WWOX: variants seen among roughly 807,000 people sequenced by gnomAD.
WWOX encodes WW domain-containing oxidoreductase.
WWOX carries 69 observed loss-of-function variants against 46.2 expected under a neutral mutation model. That is an observed-to-expected ratio of 1.49 (90% CI 1.23 to 1.82). The LOEUF (loss-of-function observed/expected upper bound fraction) is 1.82. Ranked by LOEUF, WWOX falls within the 40% of genes most tolerant of loss-of-function variation. WWOX has a pLI of 0.00. For missense variants in WWOX, 919 were observed against 542.6 expected (o/e 1.69, Z -6.89); for synonymous variants, 359 against 202.6 (o/e 1.77, Z -6.56).
At chr16:78,185,035 G>T (rs1320301573) in intron 5 of WWOX, among the ~76,000 whole-genome samples, 1 of 152,134 alleles carries the variant, frequency 6.6e-6, no homozygotes, top group Non-Finnish European at 1.5e-5. Context: ...TGTGACAGAG[G>T]AAGAGAGGGA....
intron 4 of WWOX, among the ~76,000 whole-genome samples, chr16:78,149,101 C>G (rs1277508021): frequency 1.3e-5 from 2 of 152,014 alleles, no homozygotes; most frequent in Non-Finnish European, 2.9e-5. Context: ...AAGTGATCCT[C>G]CTGCCTTGGC....
chr16:78,709,861 T>G (rs1332164661), intron 8 of WWOX, among the ~76,000 whole-genome samples: 5 of 151,940 alleles, frequency 3.3e-5, no homozygotes, highest in Non-Finnish European at 7.4e-5. Context: ...CCCGAGTAAC[T>G]GGGATTACAG....
At chr16:78,563,762 A>G (rs2151562392) in intron 8 of WWOX, among the ~76,000 whole-genome samples, 1 of 152,194 alleles carries the variant, frequency 6.6e-6, no homozygotes, top group African/African-American at 2.4e-5. Context: ...ACCAATAATT[A>G]ATATCTATGG....
chr16:78,783,112 G>C (rs541646784), intron 8 of WWOX, among the ~76,000 whole-genome samples: 1 of 152,326 alleles, frequency 6.6e-6, no homozygotes, highest in African/African-American at 2.4e-5. Flanking sequence ...CTATGATCAA[G>C]TTATCAGGAA....
chr16:78,465,498 A>G (rs1374743662), intron 8 of WWOX, among the ~76,000 whole-genome samples: 4 of 152,184 alleles, frequency 2.6e-5, no homozygotes, highest in African/African-American at 9.7e-5. Context: ...GGTTTGTTAA[A>G]GAACTGTCTG....
At position 78,963,846 on chromosome 16, in the gene WWOX, G is replaced by A. The variant is rs139346861; in HGVS notation, c.1057-247762G>A. 4.3e-3 allele frequency among the ~76,000 whole-genome samples: 659 copies of A among 152,262 alleles called. 3 individuals are homozygous for A. The highest frequency in any genetic ancestry group is 0.015 in the African/African-American group (611 of 41,540). On this transcript the variant is annotated intron_variant, in intron 8 of 8. Coordinates refer to ENST00000566780, the MANE Select transcript of WWOX (RefSeq NM_016373.4). ...GAATCGTATCTCCCAGAATTCCCAC[G>A]TGTTGTGGGAGGGACCCAGGGAGAG...
intron 8 of WWOX, among the ~76,000 whole-genome samples, chr16:79,164,499 G>T (rs2050552696): frequency 6.6e-6 from 1 of 151,588 alleles, no homozygotes; most frequent in Non-Finnish European, 1.5e-5. Flanking sequence ...GGGGGATGGG[G>T]GGAGGCCACC....
At chr16:78,904,503 C>G (rs898531420) in intron 8 of WWOX, among the ~76,000 whole-genome samples, 1 of 151,954 alleles carries the variant, frequency 6.6e-6, no homozygotes, top group African/African-American at 2.4e-5. Flanking sequence ...TCCCAAAGTG[C>G]TGGGATTACA....
intron 8 of WWOX, among the ~76,000 whole-genome samples, chr16:78,745,708 C>T (rs1567532041): frequency 6.6e-6 from 1 of 150,786 alleles, no homozygotes; most frequent in Non-Finnish European, 1.5e-5. Flanking sequence ...ACTGCCACAC[C>T]CCCTCATAGA....
rs1460130248 is a variant in WWOX, at chr16:78,311,723, A to AT, written c.517-75136dup. Among the ~76,000 whole-genome samples the AT allele has an allele frequency of 6.7e-3, 1,024 of 152,214 alleles. 11 individuals are homozygous for AT. Among genetic ancestry groups the AT allele is most frequent in the Middle Eastern group, 0.017 (5 of 292 alleles). On this transcript the variant is annotated intron_variant, in intron 5 of 8. Transcript: ENST00000566780. The stretch of plus-strand genomic sequence containing the variant: ...CTTTAGTCTGGTTTATAATGCTTTA[A>AT]TATTTTTTTGAAGGAAGAAAAATGT...
intron 8 of WWOX, among the ~76,000 whole-genome samples, chr16:78,950,520 A>G (rs879316102): frequency 1.9e-5 from 2 of 102,940 alleles, no homozygotes; most frequent in African/African-American, 7.2e-5. Flanking sequence ...TTAAAGGAAC[A>G]CACACACACA....
At chr16:78,877,278 T>TC (rs34589667) in intron 8 of WWOX, among the ~76,000 whole-genome samples, 3 of 149,514 alleles carry the variant, frequency 2.0e-5, no homozygotes, top group Non-Finnish European at 4.4e-5. Context: ...CCTGCCTGCC[T>TC]CCCCCCCTCT....
At chr16:78,523,929 T>A (rs1351408198) in intron 8 of WWOX, among the ~76,000 whole-genome samples, 4 of 152,168 alleles carry the variant, frequency 2.6e-5, no homozygotes, top group African/African-American at 9.7e-5. Flanking sequence ...TACCAGTGAT[T>A]TCTGTTTTTC....
chr16:78,599,446 T>C (rs116232486), intron 8 of WWOX, among the ~76,000 whole-genome samples: 2 of 152,164 alleles, frequency 1.3e-5, no homozygotes, highest in Non-Finnish European at 2.9e-5. Flanking sequence ...GGCTGGGGAA[T>C]TGGCCTGTCA....
intron 8 of WWOX, among the ~76,000 whole-genome samples, chr16:78,493,258 A>G (rs1180419240): frequency 6.6e-6 from 1 of 152,220 alleles, no homozygotes; most frequent in African/African-American, 2.4e-5. Context: ...CAGAAGACAC[A>G]TACACAAATG....
chr16:78,768,667 A>C (rs374381270), intron 8 of WWOX, among the ~76,000 whole-genome samples: 2 of 152,042 alleles, frequency 1.3e-5, no homozygotes, highest in South Asian at 4.2e-4. Flanking sequence ...GAGGTTGTGA[A>C]ATTAACTCTG....
chr16:79,034,523 C>G (rs151085175), intron 8 of WWOX, among the ~76,000 whole-genome samples: 4 of 152,316 alleles, frequency 2.6e-5, no homozygotes, highest in Non-Finnish European at 4.4e-5. Context: ...TTTGCCCCCT[C>G]ACCGAATGAT....
At chr16:78,615,639 G>C (rs940087705) in intron 8 of WWOX, among the ~76,000 whole-genome samples, 4 of 151,792 alleles carry the variant, frequency 2.6e-5, no homozygotes, top group African/African-American at 9.7e-5. Context: ...CTGGGCAACA[G>C]AGCAAGACCC....
At chr16:78,798,841 C>CGGCCAAT (rs1198030828) in intron 8 of WWOX, among the ~76,000 whole-genome samples, 1 of 152,092 alleles carries the variant, frequency 6.6e-6, no homozygotes, top group Admixed American at 6.5e-5. Context: ...ATATCAGATG[C>CGGCCAAT]GGCCAATGTC....
Sources: allele counts gnomAD v4.1 joint callset (sites outside exome capture counted in the v4.1 genomes callset), GRCh38; gene constraint gnomAD v4.1.1; transcripts MANE v1.5; gene names NCBI Gene and HGNC (gene_info 2026-07-23, HGNC 2026-07-21).